Variants in KLHL29 observed in about 807,000 individuals in gnomAD.
KLHL29 encodes the protein kelch-like protein 29.
Under a neutral mutation model 80.4 loss-of-function variants are expected in KLHL29, and 21 were observed. That is an observed-to-expected ratio of 0.26 (90% CI 0.19 to 0.38). The LOEUF (loss-of-function observed/expected upper bound fraction) is 0.38. Among genes scored for constraint, KLHL29 ranks in the 10% least tolerant of loss-of-function variants. The pLI is 1.00. For synonymous variants in KLHL29, 511 were observed against 526.8 expected (o/e 0.97, Z 0.41); for missense variants, 867 against 1,223.9 (o/e 0.71, Z 4.35).
chr2:23,658,276 G>A lies in KLHL29; in HGVS notation c.940+15426G>A, dbSNP rs59370338. On this transcript the variant is annotated intron_variant, in intron 5 of 13. Transcript: ENST00000486442. The stretch of plus-strand genomic sequence containing the variant: ...ACCAGAGCCGAAGCCCTGCCTGAGC[G>A]TCATGGGCTTGTGAGGAAAACCCCC... 1.6e-3 allele frequency among the ~76,000 whole-genome samples: 250 copies of A among 152,288 alleles called. 1 individual carries two copies. Among genetic ancestry groups the A allele is most frequent in the African/African-American group, 5.3e-3 (222 of 41,562 alleles).
intron 3 of KLHL29, among the ~76,000 whole-genome samples, chr2:23,632,568 G>A (rs893937748): frequency 5.9e-5 from 9 of 152,374 alleles, no homozygotes; most frequent in South Asian, 2.1e-4. Context: ...CCTGGAGCTC[G>A]TAGCTGGTGT....
intron 3 of KLHL29, among the ~76,000 whole-genome samples, chr2:23,601,663 G>A (rs1269518946): frequency 6.6e-6 from 1 of 152,180 alleles, no homozygotes; most frequent in Non-Finnish European, 1.5e-5. Flanking sequence ...CCACTGGGGT[G>A]GGAGGGTTAC....
intron 3 of KLHL29, among the ~76,000 whole-genome samples, chr2:23,619,048 C>A (rs1669098885): frequency 6.6e-6 from 1 of 152,222 alleles, no homozygotes; most frequent in Non-Finnish European, 1.5e-5. Context: ...CAGATACAGG[C>A]CTGGCAGCCA....
At chr2:23,434,797 G>C (rs1334466066) in intron 1 of KLHL29, among the ~76,000 whole-genome samples, 1 of 152,128 alleles carries the variant, frequency 6.6e-6, no homozygotes, top group Non-Finnish European at 1.5e-5. Context: ...GTTCTCCTCG[G>C]GGCCCGTGGG....
At chr2:23,483,879 C>T (rs190544841) in intron 2 of KLHL29, among the ~76,000 whole-genome samples, 80 of 152,276 alleles carry the variant, frequency 5.3e-4, no homozygotes, top group African/African-American at 1.9e-3. Flanking sequence ...AGCTGCCACT[C>T]CTTATTTTGA....
chr2:23,410,145 C>T (rs773195608), intron 1 of KLHL29, among the ~76,000 whole-genome samples: 1 of 152,198 alleles, frequency 6.6e-6, no homozygotes, highest in Non-Finnish European at 1.5e-5. Flanking sequence ...ATTGCAAGAG[C>T]ACTGACTGGC....
intron 1 of KLHL29, among the ~76,000 whole-genome samples, chr2:23,406,350 A>G (rs1396528829): frequency 6.6e-6 from 1 of 151,308 alleles, no homozygotes; most frequent in East Asian, 1.9e-4. Flanking sequence ...AAAAGAAAAG[A>G]AAACACACAT....
intron 3 of KLHL29, among the ~76,000 whole-genome samples, chr2:23,601,651 G>C (rs1474916573): frequency 1.3e-5 from 2 of 152,198 alleles, no homozygotes; most frequent in Non-Finnish European, 2.9e-5. Context: ...CTTTGCATGA[G>C]ACCACTGGGG....
chr2:23,520,065 A>C (rs1275008140), intron 2 of KLHL29, among the ~76,000 whole-genome samples: 1 of 152,122 alleles, frequency 6.6e-6, no homozygotes, highest in Admixed American at 6.5e-5. Context: ...TTTTCCTTTC[A>C]CTGGTATCAT....
intron 3 of KLHL29, among the ~76,000 whole-genome samples, chr2:23,632,622 G>A (rs953608550): frequency 1.3e-5 from 2 of 152,220 alleles, no homozygotes; most frequent in Non-Finnish European, 2.9e-5. Context: ...GTGGTCAGAG[G>A]TGCCCGCAAC....
intron 1 of KLHL29, among the ~76,000 whole-genome samples, chr2:23,423,698 G>C (rs1662917301): frequency 1.3e-5 from 2 of 152,244 alleles, no homozygotes; most frequent in South Asian, 4.1e-4. Flanking sequence ...ATGGGCTCAG[G>C]GGGTGCGGTG....
chr2:23,651,119 A>C (rs1322513904), intron 5 of KLHL29, among the ~76,000 whole-genome samples: 2 of 152,244 alleles, frequency 1.3e-5, no homozygotes, highest in Non-Finnish European at 2.9e-5. Context: ...TTGCTTGAAG[A>C]AAAAATGGCT....
chr2:23,655,890 G>A (rs1670231095), intron 5 of KLHL29, among the ~76,000 whole-genome samples: 1 of 152,128 alleles, frequency 6.6e-6, no homozygotes, highest in Non-Finnish European at 1.5e-5. Flanking sequence ...CAGCCTGAAC[G>A]GGAATCATCA....
chr2:23,623,385 C>A (rs1166799930), intron 3 of KLHL29, among the ~76,000 whole-genome samples: 1 of 152,202 alleles, frequency 6.6e-6, no homozygotes, highest in Non-Finnish European at 1.5e-5. Flanking sequence ...TGTTTGCCTG[C>A]CCCTTGTAGG....
intron 2 of KLHL29, among the ~76,000 whole-genome samples, chr2:23,540,084 A>AT (rs1368543474): frequency 6.6e-6 from 1 of 151,952 alleles, no homozygotes; most frequent in Non-Finnish European, 1.5e-5. Flanking sequence ...CCCCTGCCCC[A>AT]TGTTAGACCC....
At chr2:23,693,119 C>A in intron 7 of KLHL29, 150 bp from the exon 8 acceptor site, 1 of 928,348 alleles carries the variant, frequency 1.1e-6, no homozygotes, top group Non-Finnish European at 1.6e-6. Context: ...CTCCAGACAC[C>A]CAGGAAGGGG....
At position 23,441,913 on chromosome 2, in the gene KLHL29, C is replaced by T. The variant is rs562708833; in HGVS notation, c.-153-33647C>T. ...TTGGTCATATCTCATTGGCTAAAAC[C>T]AGTCACATAGTATGATGAGCAGCAT... On this transcript the variant is annotated intron_variant, in intron 1 of 13. Transcript: ENST00000486442. Among the ~76,000 whole-genome samples the T allele has an allele frequency of 3.9e-5, 6 of 152,268 alleles. No homozygotes were observed. The East Asian group carries it at 9.6e-4, about 24-fold the overall frequency.
At position 23,696,340 on chromosome 2, in the gene KLHL29, G is replaced by A. The variant is rs761929523; in HGVS notation, c.1932G>A (p.Met644Ile). ...CTCCCACACTGCCTCCAGGTGGGAT[G>A]GAATCAGGGGTGACGCTGGCTGATG... ...AGDNIYLSGG[M>I]ESGVTLADVW... Residue 644 changes from methionine to isoleucine, a missense_variant, in exon 11 of 14, where the codon ATG (methionine) becomes ATA (isoleucine). Transcript: ENST00000486442. The surrounding 1 kb of genome is among the most constrained non-coding windows in gnomAD (Gnocchi z 5.5). 40 of 1,551,436 alleles carry A rather than the reference G, an allele frequency of 2.6e-5. No homozygotes were observed. The highest frequency in any genetic ancestry group is 3.4e-5 in the Non-Finnish European group (39 of 1,146,954).
chr2:23,648,407 C>T (rs1669998229), intron 5 of KLHL29, among the ~76,000 whole-genome samples: 1 of 152,070 alleles, frequency 6.6e-6, no homozygotes, highest in Non-Finnish European at 1.5e-5. Context: ...TGTCCGTGGC[C>T]TTTTAGGGGC....
Sources: allele counts gnomAD v4.1 joint callset (sites outside exome capture counted in the v4.1 genomes callset), GRCh38; gene constraint gnomAD v4.1.1; non-coding constraint Gnocchi (gnomAD v3.1); transcripts MANE v1.5; gene names NCBI Gene and HGNC (gene_info 2026-07-23, HGNC 2026-07-21).